SSH2: variants seen among roughly 807,000 people sequenced by gnomAD.
SSH2 encodes protein phosphatase Slingshot homolog 2.
Under a neutral mutation model 135.2 loss-of-function variants are expected in SSH2, and 37 were observed. The ratio of observed to expected loss-of-function variants is 0.27; its 90% CI spans 0.21 to 0.36. SSH2 has a LOEUF of 0.36. Among genes scored for constraint, SSH2 ranks in the 10% least tolerant of loss-of-function variants. The pLI, the probability that SSH2 is intolerant of heterozygous loss-of-function variation, is 1.00. For synonymous variants in SSH2, 628 were observed against 646.2 expected (o/e 0.97, Z 0.43); for missense variants, 1,408 against 1,765.3 (o/e 0.80, Z 3.63).
rs80040441 is a variant in SSH2, at chr17:29,927,829, T to C, written c.63+2109A>G. ...GCATTCAGGGCCAAGTATAAACAACTGAAATAACCAGGCTAGTAGATATAG... is the reference window on the plus strand; with the variant it reads ...GCATTCAGGGCCAAGTATAAACAACCGAAATAACCAGGCTAGTAGATATAG... On this transcript the variant is annotated intron_variant, in intron 1 of 15. Transcript: ENST00000540801. Among the ~76,000 whole-genome samples the C allele has an allele frequency of 7.3e-3, 1,111 of 152,274 alleles. 19 individuals carry two copies. The highest frequency in any genetic ancestry group is 0.025 in the African/African-American group (1,055 of 41,552).
intron 1 of SSH2, among the ~76,000 whole-genome samples, chr17:29,918,478 T>C (rs942443825): frequency 1.3e-5 from 2 of 152,218 alleles, no homozygotes; most frequent in Non-Finnish European, 2.9e-5. Flanking sequence ...AAGCCAACTG[T>C]ATTCAAGGTA....
At chr17:29,923,327 G>T (rs1406882133) in intron 1 of SSH2, among the ~76,000 whole-genome samples, 1 of 151,570 alleles carries the variant, frequency 6.6e-6, no homozygotes, top group African/African-American at 2.4e-5. Context: ...ATTTATAATA[G>T]AAAAAAAAGG....
intron 1 of SSH2, among the ~76,000 whole-genome samples, chr17:29,913,245 G>A (rs2066797779): frequency 7.0e-6 from 1 of 143,712 alleles, no homozygotes; most frequent in Non-Finnish European, 1.5e-5. Context: ...TTGAACCTGG[G>A]AGGTGGAGGT....
Position 29,631,424 on chromosome 17 carries a change from A to G in SSH2, c.3770T>C (p.Val1257Ala), listed in dbSNP as rs1330250427. The change falls in exon 16 of 16, where the codon GTG (valine) becomes GCG (alanine). Residue 1257 changes from valine (V) to alanine (A), a missense_variant. Val to Ala is a moderately conservative substitution (Grantham distance 64). This residue lies in a region of SSH2 where 1,080 missense variants were observed against 1,144.5 expected (regional missense o/e 0.94). Transcript: ENST00000540801. ...GATTTCTTTAGCACGCTCCTTCACC[A>G]CACCGGGGCTGTGGCTGAGACTCTT... ...NIKSLSHSPG[V>A]VKERAKEIES... is the part of the protein sequence containing the mutation. 6.2e-7 allele frequency: 1 copy of G among 1,614,056 alleles called. No homozygotes were observed. The highest frequency in any genetic ancestry group is 1.1e-5 in the South Asian group (1 of 91,070).
chr17:29,927,178 T>G (rs1467333067), intron 1 of SSH2, among the ~76,000 whole-genome samples: 1 of 152,234 alleles, frequency 6.6e-6, no homozygotes, highest in Non-Finnish European at 1.5e-5. Context: ...ACTCTTATTA[T>G]TAACATTGCC....
Position 29,684,664 on chromosome 17 carries a change from A to T in SSH2, c.378T>A (p.Thr126=), listed in dbSNP as rs751950354. 1 of 1,612,264 alleles carries T rather than the reference A, an allele frequency of 6.2e-7. No individual in the cohort carries two copies. Among genetic ancestry groups the T allele is most frequent in the African/African-American group, 1.3e-5 (1 of 75,012 alleles). ...NIRLAVRLES[T]YQNRTRYMVV... ...CCATATAGCGTGTTCGATTCTGGTA[A>T]GTACTTTCCAGTCTTACAGCCTGGA... Residue 126 remains threonine (T), a synonymous_variant, in exon 6 of 16, where the codon ACT becomes ACA. Coordinates refer to ENST00000540801, the MANE Select transcript of SSH2 (RefSeq NM_001282129.2).
At chr17:29,755,103 C>T (rs1232362754) in intron 3 of SSH2, among the ~76,000 whole-genome samples, 2 of 152,206 alleles carry the variant, frequency 1.3e-5, no homozygotes, top group Non-Finnish European at 1.5e-5. Context: ...GTGACTACTT[C>T]CCAGGGACTG....
At chr17:29,906,187 G>T (rs1428469431) in intron 1 of SSH2, among the ~76,000 whole-genome samples, 1 of 152,106 alleles carries the variant, frequency 6.6e-6, no homozygotes, top group African/African-American at 2.4e-5. Flanking sequence ...GGCCACAGAG[G>T]TTTCCAAAAA....
intron 1 of SSH2, among the ~76,000 whole-genome samples, chr17:29,908,344 G>A (rs936350625): frequency 1.3e-5 from 2 of 151,988 alleles, no homozygotes; most frequent in Non-Finnish European, 2.9e-5. Flanking sequence ...TCTTAGTCCT[G>A]CTACTCAGGA....
intron 2 of SSH2, among the ~76,000 whole-genome samples, chr17:29,800,078 T>G (rs1006734877): frequency 6.6e-6 from 1 of 152,214 alleles, no homozygotes; most frequent in Non-Finnish European, 1.5e-5. Context: ...GAAAATTCCT[T>G]TGGCTCCCCC....
At chr17:29,849,046 A>G (rs2065497874) in intron 1 of SSH2, 117 bp from the exon 2 acceptor site, 1 of 603,740 alleles carries the variant, frequency 1.7e-6, no homozygotes, top group Admixed American at 2.7e-5. Context: ...AGAAGCTGCA[A>G]TTCTGATTAG....
chr17:29,907,239 T>A (rs1225479911), intron 1 of SSH2, among the ~76,000 whole-genome samples: 1 of 152,148 alleles, frequency 6.6e-6, no homozygotes, highest in African/African-American at 2.4e-5. Context: ...GAAGCCATTA[T>A]CTTCAGCAAA....
chr17:29,642,633 G>C (rs2036211244), intron 14 of SSH2, among the ~76,000 whole-genome samples: 1 of 148,786 alleles, frequency 6.7e-6, no homozygotes, highest in African/African-American at 2.5e-5. Flanking sequence ...AATAAAATCA[G>C]ATATAAATGC....
At chr17:29,867,466 T>C (rs535615770) in intron 1 of SSH2, among the ~76,000 whole-genome samples, 1 of 152,232 alleles carries the variant, frequency 6.6e-6, no homozygotes, top group East Asian at 1.9e-4. Flanking sequence ...TGAAAGTAAA[T>C]TAGGTTTTAG....
intron 4 of SSH2, among the ~76,000 whole-genome samples, chr17:29,700,912 C>T (rs1397033232): frequency 1.3e-5 from 2 of 152,076 alleles, no homozygotes; most frequent in Non-Finnish European, 2.9e-5. Flanking sequence ...GCCTCAGCCT[C>T]CTGAGTAGCT....
intron 6 of SSH2, 60 bp downstream of exon 6, chr17:29,684,503 A>AT (rs2038126668): frequency 2.9e-6 from 4 of 1,368,548 alleles, no homozygotes; most frequent in Admixed American, 4.8e-5. Flanking sequence ...AAAAAAAAAA[A>AT]GCAACTGGAA....
chr17:29,792,089 A>AT (rs1244869784), intron 3 of SSH2, among the ~76,000 whole-genome samples: 20 of 150,230 alleles, frequency 1.3e-4, no homozygotes, highest in African/African-American at 2.2e-4. Flanking sequence ...TGCCTGGCTA[A>AT]TTTTTTTTTG....
chr17:29,635,132 G>C (rs545738483), intron 15 of SSH2, among the ~76,000 whole-genome samples: 12 of 152,106 alleles, frequency 7.9e-5, no homozygotes, highest in African/African-American at 2.7e-4. Flanking sequence ...TCGAACTCCT[G>C]ACCTTGTGAT....
At chr17:29,826,242 G>A (rs371276144) in intron 2 of SSH2, among the ~76,000 whole-genome samples, 1 of 152,112 alleles carries the variant, frequency 6.6e-6, no homozygotes, top group African/African-American at 2.4e-5. Flanking sequence ...CACTGTGACA[G>A]GGAAAATGGA....
Sources: allele counts gnomAD v4.1 joint callset (sites outside exome capture counted in the v4.1 genomes callset), GRCh38; gene constraint gnomAD v4.1.1; regional missense constraint gnomAD v4.1.1; transcripts MANE v1.5; gene names NCBI Gene and HGNC (gene_info 2026-07-23, HGNC 2026-07-21).